The following SCN11A variants were observed in gnomAD, a reference collection of about 807,000 sequenced individuals.
SCN11A encodes sodium voltage-gated channel alpha subunit 11, also known as sodium channel protein type 11 subunit alpha.
SCN11A carries 122 observed loss-of-function variants against 162.2 expected under a neutral mutation model. The observed-to-expected ratio is 0.75, with a 90% confidence interval of 0.65 to 0.87. The LOEUF (loss-of-function observed/expected upper bound fraction) is 0.87. Ranked by LOEUF, SCN11A falls within the 40% of genes least tolerant of loss-of-function variation. SCN11A has a pLI of 0.00. For synonymous variants in SCN11A, 758 were observed against 751.5 expected (o/e 1.01, Z -0.14); for missense variants, 2,015 against 2,181.6 (o/e 0.92, Z 1.52).
chr3:38,916,727 C>A (rs978110406), intron 11 of SCN11A, among the ~76,000 whole-genome samples: 4 of 152,042 alleles, frequency 2.6e-5, no homozygotes, highest in Admixed American at 2.6e-4. Flanking sequence ...CTTGCTGTGC[C>A]TACTGTCTGG....
intron 2 of SCN11A, among the ~76,000 whole-genome samples, chr3:38,995,130 G>T (rs1464180955): frequency 2.7e-5 from 4 of 150,648 alleles, no homozygotes; most frequent in African/African-American, 9.8e-5. Context: ...TTTAATTTAA[G>T]AACTTTTTTT....
intron 1 of SCN11A, among the ~76,000 whole-genome samples, chr3:39,044,030 G>A (rs951195955): frequency 6.6e-6 from 1 of 151,982 alleles, no homozygotes; most frequent in African/African-American, 2.4e-5. Context: ...AATGCCAAAT[G>A]TAAACGCAAA....
intron 2 of SCN11A, among the ~76,000 whole-genome samples, chr3:38,968,256 G>A (rs909280206): frequency 6.6e-6 from 1 of 152,134 alleles, no homozygotes; most frequent in Non-Finnish European, 1.5e-5. Context: ...ATGTTTACAT[G>A]CTGCTCTCTC....
chr3:38,848,408 G>A (rs970753504), intron 29 of SCN11A, among the ~76,000 whole-genome samples: 32 of 152,080 alleles, frequency 2.1e-4, no homozygotes, highest in Admixed American at 2.1e-3. Flanking sequence ...GTCATGGGCA[G>A]TATTTGAGTG....
intron 2 of SCN11A, among the ~76,000 whole-genome samples, chr3:38,993,533 T>C (rs921167922): frequency 1.3e-5 from 2 of 152,222 alleles, no homozygotes; most frequent in Non-Finnish European, 2.9e-5. Flanking sequence ...AAACAAATCA[T>C]GTGTTGATCG....
rs779114496 is a variant in SCN11A at position 38,847,515 on chromosome 3, A to G, written c.4555T>C (p.Phe1519Leu). The G allele has an allele frequency of 4.3e-6, 7 of 1,614,006 alleles. No individual in the cohort carries two copies. In the South Asian group the frequency reaches 4.4e-5, roughly 10 times the overall value. Residue 1519 changes from phenylalanine (F) to leucine (L), a missense_variant, in exon 30 of 30, where the codon TTT (phenylalanine) becomes CTT (leucine). Physicochemically the swap from Phe to Leu is conservative, Grantham distance 22 (BLOSUM62 0). Transcript: ENST00000302328. The stretch of plus-strand genomic sequence containing the variant: ...CCAGACTCTGGATTCACTTTGGAAA[A>G]CCAGTTCATACCCAGAATGGCATAG... ...FIYAILGMNW[F>L]SKVNPESGID...
chr3:38,948,606 A>G (rs1482416245), intron 5 of SCN11A, among the ~76,000 whole-genome samples: 1 of 152,234 alleles, frequency 6.6e-6, no homozygotes, highest in African/African-American at 2.4e-5. Flanking sequence ...TGTAAGGTAG[A>G]GTGCTAATCA....
At chr3:38,943,688 AT>A (rs2066473486) in intron 7 of SCN11A, among the ~76,000 whole-genome samples, 1 of 152,224 alleles carries the variant, frequency 6.6e-6, no homozygotes, top group Non-Finnish European at 1.5e-5. Context: ...GAAACACACA[AT>A]TCAGAAATGA....
intron 2 of SCN11A, among the ~76,000 whole-genome samples, chr3:38,998,236 C>T (rs1314275266): frequency 6.6e-6 from 1 of 152,172 alleles, no homozygotes. Context: ...GAATTTCTCA[C>T]GAAGTCCAGA....
intron 2 of SCN11A, among the ~76,000 whole-genome samples, chr3:38,963,399 T>G (rs1575338940): frequency 3.4e-5 from 2 of 58,036 alleles, no homozygotes; most frequent in Non-Finnish European, 5.8e-5. Context: ...TGGAGATATA[T>G]ATATATATAT....
rs146079587 is a variant in SCN11A, at chr3:38,927,769, C to T, written c.489-838G>A. Among the ~76,000 whole-genome samples, 1,066 of 152,250 alleles carry T rather than the reference C, an allele frequency of 7.0e-3. 9 individuals carry two copies. The highest frequency in any genetic ancestry group is 0.011 in the Non-Finnish European group (757 of 68,022). On this transcript the variant is annotated intron_variant, in intron 7 of 29. Transcript: ENST00000302328. ...AGCCCCTAATGAAACTATCAGATCT[C>T]ATGAGAACTCACTATTACGAGAATA...
chr3:38,847,394 G>C lies in SCN11A; in HGVS notation c.4676C>G (p.Pro1559Arg). 1.2e-6 allele frequency: 2 copies of C among 1,614,142 alleles called. No homozygotes were observed. Among genetic ancestry groups the C allele is most frequent in the South Asian group, 1.1e-5 (1 of 91,078 alleles). The change falls in exon 30 of 30, where the codon CCC (proline) becomes CGC (arginine). Residue 1559 changes from proline to arginine, a missense_variant. Physicochemically the swap from Pro to Arg is moderately radical, Grantham distance 103. Coordinates refer to ENST00000302328, the MANE Select transcript of SCN11A (RefSeq NM_001349253.2). ...TSAGWDSLLS[P>R]MLRSKESCNS... ...ACATGATTCTTTTGATCGCAGCATG[G>C]GGCTGAGCAGGGAATCCCAACCTGC...
At chr3:39,013,089 A>AAAACTGTATTT (rs2031191510) in intron 2 of SCN11A, among the ~76,000 whole-genome samples, 1 of 152,234 alleles carries the variant, frequency 6.6e-6, no homozygotes, top group East Asian at 1.9e-4. Flanking sequence ...AATAAATACC[A>AAAACTGTATTT]GGTGACAGTT....
intron 2 of SCN11A, among the ~76,000 whole-genome samples, chr3:38,989,825 T>C (rs563779365): frequency 7.8e-4 from 119 of 152,222 alleles, no homozygotes; most frequent in African/African-American, 2.8e-3. Flanking sequence ...AAAATAATCA[T>C]TAAGGCCCCC....
At chr3:39,029,811 G>A (rs552694604) in intron 2 of SCN11A, among the ~76,000 whole-genome samples, 16 of 152,320 alleles carry the variant, frequency 1.1e-4, no homozygotes, top group African/African-American at 3.8e-4. Context: ...AATTAGCAAA[G>A]AAAGATTCCA....
chr3:39,013,435 CT>C (rs756712849), intron 2 of SCN11A, among the ~76,000 whole-genome samples: 316 of 143,110 alleles, frequency 2.2e-3, no homozygotes, highest in Middle Eastern at 3.6e-3. Flanking sequence ...TGGCTTCTGC[CT>C]TTTTTTTTTT....
chr3:39,010,692 C>T (rs2031106752), intron 2 of SCN11A, among the ~76,000 whole-genome samples: 1 of 152,054 alleles, frequency 6.6e-6, no homozygotes, highest in Non-Finnish European at 1.5e-5. Context: ...AGCCACCCTG[C>T]CCAGCCTAAT....
At chr3:38,848,355 A>G (rs1211712028) in intron 29 of SCN11A, among the ~76,000 whole-genome samples, 3 of 152,124 alleles carry the variant, frequency 2.0e-5, no homozygotes, top group Non-Finnish European at 4.4e-5. Context: ...TTGTGTAGAC[A>G]TGGCCTTGTT....
chr3:38,911,115 G>A (rs1041000089), intron 11 of SCN11A, among the ~76,000 whole-genome samples: 5 of 151,998 alleles, frequency 3.3e-5, no homozygotes, highest in East Asian at 3.8e-4. Flanking sequence ...ATTGTAGTTC[G>A]TGTTGATTAA....
Sources: gnomAD v4.1 joint callset for allele counts (sites outside exome capture counted in the v4.1 genomes callset) on GRCh38, gnomAD v4.1.1 for gene constraint, MANE v1.5 for transcripts, NCBI Gene and HGNC (gene_info 2026-07-23, HGNC 2026-07-21) for gene names.